Variants in CDK14 observed in about 807,000 individuals in gnomAD.
CDK14 encodes the protein cyclin-dependent kinase 14.
A neutral mutation model predicts 60.7 loss-of-function variants in CDK14; 34 were observed. The observed-to-expected ratio is 0.56, with a 90% CI of 0.43 to 0.75. CDK14 has a LOEUF of 0.75. Ranked by LOEUF, CDK14 falls within the 30% of genes least tolerant of loss-of-function variation. The pLI is 0.00. For missense variants in CDK14, 482 were observed against 564.1 expected, an observed-to-expected ratio of 0.85 and a Z score of 1.47; for synonymous variants, 197 against 203.7, an observed-to-expected ratio of 0.97 and a Z score of 0.28.
At chr7:91,189,700 T>C (rs1243034464) in intron 14 of CDK14, among the ~76,000 whole-genome samples, 1 of 152,224 alleles carries the variant, frequency 6.6e-6, no homozygotes, top group Non-Finnish European at 1.5e-5. Context: ...TATCCAGTAC[T>C]ACTATTGATT....
At chr7:90,872,479 A>G (rs1225852852) in intron 6 of CDK14, among the ~76,000 whole-genome samples, 2 of 152,200 alleles carry the variant, frequency 1.3e-5, no homozygotes, top group African/African-American at 4.8e-5. Context: ...GAAACAAGCT[A>G]GCTTTCAGTC....
intron 2 of CDK14, among the ~76,000 whole-genome samples, chr7:90,715,012 G>A (rs1489569173): frequency 6.6e-6 from 1 of 151,948 alleles, no homozygotes; most frequent in African/African-American, 2.4e-5. Flanking sequence ...GGTTACTGGG[G>A]GAAAGAATTC....
At chr7:91,027,783 TCCCC>T (rs1796622020) in intron 10 of CDK14, among the ~76,000 whole-genome samples, 1 of 4,192 alleles carries the variant, frequency 2.4e-4, no homozygotes, top group South Asian at 0.017. Flanking sequence ...TCCCCTCCCC[TCCCC>T]TCCCCTCCCC....
intron 11 of CDK14, among the ~76,000 whole-genome samples, chr7:91,052,430 T>A (rs1002909815): frequency 6.6e-6 from 1 of 152,216 alleles, no homozygotes; most frequent in Non-Finnish European, 1.5e-5. Flanking sequence ...ATTAGACTAT[T>A]TTAAAAAGCA....
intron 2 of CDK14, among the ~76,000 whole-genome samples, chr7:90,657,442 A>C (rs543378545): frequency 2.6e-5 from 4 of 152,332 alleles, no homozygotes; most frequent in Non-Finnish European, 5.9e-5. Flanking sequence ...TGGATGTAAA[A>C]TTTAGCATGT....
chr7:90,833,448 A>C (rs1166074381), intron 5 of CDK14, among the ~76,000 whole-genome samples: 2 of 152,144 alleles, frequency 1.3e-5, no homozygotes, highest in South Asian at 2.1e-4. Context: ...CCTGTTTGCA[A>C]CCACTCATCT....
intron 9 of CDK14, among the ~76,000 whole-genome samples, chr7:90,975,023 G>T (rs1030961004): frequency 9.2e-5 from 14 of 152,124 alleles, no homozygotes; most frequent in African/African-American, 3.4e-4. Flanking sequence ...AAAGGTAATG[G>T]TGGCTAATAC....
rs536391674 is a variant in CDK14, at chr7:91,141,229, A to G, written c.*28+23021A>G. Among the ~76,000 whole-genome samples, 10 of 152,356 alleles carry G rather than the reference A, an allele frequency of 6.6e-5. No homozygotes were observed. In the East Asian group the frequency reaches 1.7e-3, roughly 26 times the overall value. On this transcript the variant is annotated intron_variant, in intron 14 of 14. Coordinates refer to ENST00000380050, the MANE Select transcript of CDK14 (RefSeq NM_001287135.2). ...ATGACCCTCAGTAGGGGGCCATTCC[A>G]GAAAATCGTCAGTGTGACGTAGTCA... is the stretch of plus-strand genomic sequence containing the variant.
At chr7:90,696,224 TTGAG>T (rs1245659888) in intron 2 of CDK14, among the ~76,000 whole-genome samples, 1 of 152,056 alleles carries the variant, frequency 6.6e-6, no homozygotes, top group Non-Finnish European at 1.5e-5. Flanking sequence ...CTAGAGAAAT[TTGAG>T]TGATGTAAAG....
At chr7:91,063,229 A>T (rs1356034962) in intron 11 of CDK14, among the ~76,000 whole-genome samples, 3 of 152,224 alleles carry the variant, frequency 2.0e-5, no homozygotes, top group Non-Finnish European at 4.4e-5. Flanking sequence ...CCATTATCAC[A>T]TAGCTCCTTC....
chr7:91,132,034 C>G (rs1178710862), intron 14 of CDK14, among the ~76,000 whole-genome samples: 1 of 128,236 alleles, frequency 7.8e-6, no homozygotes, highest in Non-Finnish European at 1.8e-5. Flanking sequence ...TTTTAGCAAC[C>G]ACTATATTGG....
chr7:90,735,545 C>T (rs1295403961), intron 3 of CDK14, among the ~76,000 whole-genome samples: 1 of 152,234 alleles, frequency 6.6e-6, no homozygotes, highest in East Asian at 1.9e-4. Context: ...AGTCTGGCCA[C>T]CAGCGGCCTT....
chr7:91,091,501 T>TTTTA (rs1369809555), intron 12 of CDK14, among the ~76,000 whole-genome samples: 1 of 88,972 alleles, frequency 1.1e-5, no homozygotes, highest in African/African-American at 4.3e-5. Flanking sequence ...TTTATATATT[T>TTTTA]TATATATATA....
chr7:91,038,296 T>C (rs918086299), intron 10 of CDK14, among the ~76,000 whole-genome samples: 1 of 152,250 alleles, frequency 6.6e-6, no homozygotes, highest in African/African-American at 2.4e-5. Context: ...TTCAGGTCTA[T>C]ATAGTTAATT....
intron 5 of CDK14, among the ~76,000 whole-genome samples, chr7:90,845,014 A>G (rs912687145): frequency 1.8e-4 from 28 of 152,294 alleles, no homozygotes; most frequent in South Asian, 2.1e-4. Context: ...TTTTCTCCTT[A>G]GCACTTGCCA....
intron 10 of CDK14, among the ~76,000 whole-genome samples, chr7:91,020,446 A>G (rs1584238080): frequency 1.3e-5 from 2 of 152,228 alleles, no homozygotes; most frequent in East Asian, 3.9e-4. Context: ...ACCCTTGCTC[A>G]CATGGATCAC....
rs904027568 is a variant in CDK14, at chr7:91,070,248, TTGC to T, written c.1106-9163_1106-9161del. On this transcript the variant is annotated intron_variant, in intron 11 of 14. Transcript: ENST00000380050. Reference sequence around the variant, plus strand: ...TAAAATTAACTCATTTATTTTGTTGTTGCTGCTGCTGCTGCTGCTGCTGGTGGT... The same window carrying T: ...TAAAATTAACTCATTTATTTTGTTGTTGCTGCTGCTGCTGCTGCTGGTGGT... Among the ~76,000 whole-genome samples the T allele has an allele frequency of 8.6e-4, 113 of 131,260 alleles. 2 individuals carry two copies. Among genetic ancestry groups the T allele is most frequent in the South Asian group, 8.4e-3 (31 of 3,670 alleles). 86.1% of individuals were successfully genotyped at this position (131,260 alleles called of 152,430 possible). A position where few individuals can be genotyped will look rare whatever the true frequency, so the allele number is the denominator to read the frequency against.
At chr7:90,791,624 C>T (rs907668780) in intron 5 of CDK14, among the ~76,000 whole-genome samples, 1 of 152,108 alleles carries the variant, frequency 6.6e-6, no homozygotes, top group Non-Finnish European at 1.5e-5. Flanking sequence ...AATCTTGTTT[C>T]TATTTCTACT....
At chr7:90,986,876 C>T (rs1360503469) in intron 10 of CDK14, among the ~76,000 whole-genome samples, 2 of 151,964 alleles carry the variant, frequency 1.3e-5, no homozygotes, top group East Asian at 3.9e-4. Context: ...TGTAACTTGT[C>T]AAATTACTGA....
Sources: gnomAD v4.1 joint callset for allele counts (sites outside exome capture counted in the v4.1 genomes callset) on GRCh38, gnomAD v4.1.1 for gene constraint, MANE v1.5 for transcripts, NCBI Gene and HGNC (gene_info 2026-07-23, HGNC 2026-07-21) for gene names.